The following WWC2 variants were observed in gnomAD, a reference collection of about 807,000 sequenced individuals.
WWC2 encodes the protein WW and C2 domain containing 2, also known as protein WWC2.
Under a neutral mutation model 138.5 loss-of-function variants are expected in WWC2, and 101 were observed. The ratio of observed to expected loss-of-function variants is 0.73; its 90% confidence interval spans 0.62 to 0.86. The LOEUF is 0.86. WWC2 is among the 40% of genes least tolerant of loss of function. The pLI is 0.00. For synonymous variants in WWC2, 558 were observed against 538.4 expected, an observed-to-expected ratio of 1.04 and a Z score of -0.50; for missense variants, 1,420 against 1,419.4, an observed-to-expected ratio of 1.00 and a Z score of -0.01.
At chr4:183,285,210 C>T (rs1276659820) in intron 19 of WWC2, among the ~76,000 whole-genome samples, 8 of 152,148 alleles carry the variant, frequency 5.3e-5, no homozygotes, top group South Asian at 2.1e-4. Context: ...GGGGGTGATA[C>T]GCAGGATTCA....
chr4:183,222,914 T>A (rs1204928146), intron 4 of WWC2, among the ~76,000 whole-genome samples: 1 of 152,090 alleles, frequency 6.6e-6, no homozygotes, highest in Non-Finnish European at 1.5e-5. Flanking sequence ...TGCAATGAGC[T>A]GAGATTGTGC....
intron 1 of WWC2, among the ~76,000 whole-genome samples, chr4:183,176,248 G>A (rs1734464418): frequency 6.6e-6 from 1 of 152,116 alleles, no homozygotes; most frequent in Admixed American, 6.6e-5. Context: ...AAAGCAAATA[G>A]TAGGTATGGG....
In WWC2 at chr4:183,224,855, C is replaced by T. The variant is rs150266874; in HGVS notation, c.523-15328C>T. Among the ~76,000 whole-genome samples the T allele has an allele frequency of 5.6e-3, 843 of 151,400 alleles. 15 individuals carry two copies. The highest frequency in any genetic ancestry group is 0.019 in the African/African-American group (790 of 40,680). On this transcript the variant is annotated intron_variant, in intron 4 of 22. Transcript: ENST00000403733. ...GGATTACAGGTGTGAGCCACTGCAC[C>T]TGGCCTATTTGTTTAGGTTTTAAAG...
Position 183,099,595 on chromosome 4 carries a change from G to C in WWC2, c.104G>C (p.Arg35Thr). Residue 35 changes from arginine (R) to threonine (T), a missense_variant, in exon 1 of 23, where the codon AGG (arginine) becomes ACG (threonine). Coordinates refer to ENST00000403733, the MANE Select transcript of WWC2 (RefSeq NM_024949.6). ...KVFYIDHNTR[R>T]TSWIDPRDRL... ...TTCTACATTGACCACAACACCAGGA[G>C]GACCAGCTGGATCGACCCCCGGGAC... The C allele has an allele frequency of 7.2e-7, 1 of 1,383,726 alleles. No homozygotes were observed. The highest frequency in any genetic ancestry group is 9.5e-7 in the Non-Finnish European group (1 of 1,050,854). 85.7% of individuals were successfully genotyped at this position (1,383,726 alleles called of 1,614,324 possible). A position where few individuals can be genotyped will look rare whatever the true frequency, so the allele number is the denominator to read the frequency against.
intron 4 of WWC2, among the ~76,000 whole-genome samples, chr4:183,231,796 T>C (rs1042480973): frequency 3.9e-5 from 6 of 152,148 alleles, no homozygotes; most frequent in Non-Finnish European, 1.5e-5. Context: ...TAGCTGGGAC[T>C]ACAGGTACAC....
intron 21 of WWC2, among the ~76,000 whole-genome samples, chr4:183,289,875 G>A (rs907744501): frequency 6.6e-6 from 1 of 150,468 alleles, no homozygotes; most frequent in African/African-American, 2.5e-5. Flanking sequence ...GGCGTGGCCA[G>A]TAGGGTGAGG....
At chr4:183,285,850 A>G (rs184891533) in intron 19 of WWC2, 117 bp from the exon 20 acceptor site, 8 of 895,970 alleles carry the variant, frequency 8.9e-6, no homozygotes, top group Non-Finnish European at 1.4e-5. Context: ...ATTTTCTTAA[A>G]GAAATAAACT....
intron 2 of WWC2, among the ~76,000 whole-genome samples, chr4:183,206,856 A>G (rs1735462001): frequency 6.6e-6 from 1 of 152,246 alleles, no homozygotes; most frequent in African/African-American, 2.4e-5. Flanking sequence ...TGGTCAAAAA[A>G]TATGTTAATT....
At chr4:183,218,736 G>T (rs1735831025) in intron 4 of WWC2, among the ~76,000 whole-genome samples, 1 of 152,204 alleles carries the variant, frequency 6.6e-6, no homozygotes, top group African/African-American at 2.4e-5. Context: ...CAGTGCAGAT[G>T]AAGTCCAAAG....
At chr4:183,121,938 A>G (rs1013608574) in intron 1 of WWC2, among the ~76,000 whole-genome samples, 5 of 152,080 alleles carry the variant, frequency 3.3e-5, no homozygotes, top group Non-Finnish European at 7.4e-5. Context: ...GGCACCTGCC[A>G]CCACGCCCAG....
chr4:183,126,997 A>G (rs1732780541), intron 1 of WWC2, among the ~76,000 whole-genome samples: 1 of 151,302 alleles, frequency 6.6e-6, no homozygotes, highest in Non-Finnish European at 1.5e-5. Context: ...TCAGCCTCCC[A>G]AAGTGCTGGG....
At chr4:183,137,027 A>G (rs1056181345) in intron 1 of WWC2, among the ~76,000 whole-genome samples, 6 of 152,236 alleles carry the variant, frequency 3.9e-5, no homozygotes, top group African/African-American at 7.2e-5. Flanking sequence ...CTAAACATAG[A>G]AAAAGTACTG....
intron 1 of WWC2, among the ~76,000 whole-genome samples, chr4:183,182,767 C>T (rs1415094594): frequency 6.6e-6 from 1 of 152,174 alleles, no homozygotes; most frequent in African/African-American, 2.4e-5. Context: ...GAAAGATTTT[C>T]TTGTATCTTG....
rs763054978 is a variant in WWC2, at chr4:183,253,978, C to T, written c.1175C>T (p.Pro392Leu). ...EEELLSVRGT[P>L]SRALAERLRL... ...GAGTTGCTGTCTGTGAGGGGAACAC[C>T]AAGCAGAGCTCTGGCCGAGAGGTTT... Residue 392 changes from proline to leucine, a missense_variant, in exon 9 of 23, where the codon CCA (proline) becomes CTA (leucine). By Grantham distance (98) the Pro-to-Leu change is moderately conservative (BLOSUM62 -3). Coordinates refer to ENST00000403733, the MANE Select transcript of WWC2 (RefSeq NM_024949.6). 1.2e-6 allele frequency: 2 copies of T among 1,613,548 alleles called. No homozygotes were observed. The highest frequency in any genetic ancestry group is 1.7e-6 in the Non-Finnish European group (2 of 1,179,752).
At chr4:183,294,331 A>C (rs1232929408) in intron 21 of WWC2, among the ~76,000 whole-genome samples, 1 of 152,218 alleles carries the variant, frequency 6.6e-6, no homozygotes. Flanking sequence ...TAAAGGTCAA[A>C]GAATAGCCAA....
chr4:183,208,206 G>C, intron 3 of WWC2, 50 bp downstream of exon 3: 1 of 1,572,460 alleles, frequency 6.4e-7, no homozygotes, highest in South Asian at 1.1e-5. Flanking sequence ...CTGAATTGTA[G>C]ATAACAGAAG....
At chr4:183,224,966 T>A (rs773417888) in intron 4 of WWC2, among the ~76,000 whole-genome samples, 3 of 152,234 alleles carry the variant, frequency 2.0e-5, no homozygotes, top group Non-Finnish European at 4.4e-5. Flanking sequence ...CAACTTTTCC[T>A]ATCTTGTGAT....
At chr4:183,246,777 A>G (rs539124189) in intron 6 of WWC2, among the ~76,000 whole-genome samples, 8 of 152,208 alleles carry the variant, frequency 5.3e-5, no homozygotes, top group Non-Finnish European at 1.2e-4. Flanking sequence ...TACATATAAC[A>G]CATGCAAGAC....
chr4:183,250,834 A>G (rs1026870407), intron 8 of WWC2, among the ~76,000 whole-genome samples: 3 of 152,228 alleles, frequency 2.0e-5, no homozygotes, highest in Non-Finnish European at 4.4e-5. Context: ...CCCCATGACC[A>G]TGAAAAGCTC....
Sources: gnomAD v4.1 joint callset for allele counts (sites outside exome capture counted in the v4.1 genomes callset) on GRCh38, gnomAD v4.1.1 for gene constraint, MANE v1.5 for transcripts, NCBI Gene and HGNC (gene_info 2026-07-23, HGNC 2026-07-21) for gene names.